Variants in ADAMTS2 observed in about 807,000 individuals in gnomAD.
The protein encoded by ADAMTS2 is ADAM metallopeptidase with thrombospondin type 1 motif 2.
Under a neutral mutation model 123.0 loss-of-function variants are expected in ADAMTS2, and 50 were observed. The ratio of observed to expected loss-of-function variants is 0.41; its 90% CI spans 0.32 to 0.51. The LOEUF (loss-of-function observed/expected upper bound fraction) is 0.51. Among genes scored for constraint, ADAMTS2 ranks in the 20% least tolerant of loss-of-function variants. ADAMTS2 has a pLI of 0.35. For synonymous variants in ADAMTS2, 678 were observed against 695.4 expected (o/e 0.98, Z 0.39); for missense variants, 1,494 against 1,705.2 (o/e 0.88, Z 2.18).
At chr5:179,295,346 C>T (rs1398134536) in intron 2 of ADAMTS2, among the ~76,000 whole-genome samples, 1 of 152,154 alleles carries the variant, frequency 6.6e-6, no homozygotes, top group East Asian at 1.9e-4. Flanking sequence ...AGGGGGGCAC[C>T]GACAGGAAAC....
rs1053018230 is a variant in ADAMTS2 at position 179,128,226 on chromosome 5, A to G, written c.2458-108T>C. Reference sequence around the variant, plus strand: ...CGACTCCAGAGGAGTCTCATCATTCATGGCAGTTACATTCCATGAAGTCGC... The same window carrying G: ...CGACTCCAGAGGAGTCTCATCATTCGTGGCAGTTACATTCCATGAAGTCGC... On this transcript the variant is annotated intron_variant, in intron 16 of 21. Transcript: ENST00000251582. The surrounding 1 kb of genome is among the most constrained non-coding windows in gnomAD (Gnocchi z 4.9). 1.5e-5 allele frequency: 21 copies of G among 1,386,522 alleles called. No individual in the cohort carries two copies. The highest frequency in any genetic ancestry group is 3.7e-4 in the Middle Eastern group (2 of 5,460). The allele number at this position is 1,386,522 out of a possible 1,614,324, so 85.9% of individuals were successfully genotyped here. A position where few individuals can be genotyped will look rare whatever the true frequency, so the allele number is the denominator to read the frequency against.
At chr5:179,252,097 T>C (rs563168318) in intron 3 of ADAMTS2, among the ~76,000 whole-genome samples, 1 of 149,238 alleles carries the variant, frequency 6.7e-6, no homozygotes, top group Admixed American at 6.7e-5. Flanking sequence ...AACCTCTACC[T>C]CCCAGGCTCA....
At chr5:179,122,157 G>A (rs1020794990) in intron 20 of ADAMTS2, among the ~76,000 whole-genome samples, 2 of 152,156 alleles carry the variant, frequency 1.3e-5, no homozygotes, top group African/African-American at 4.8e-5. Flanking sequence ...CAGGTGCCTA[G>A]ACCCCCCAGA....
intron 10 of ADAMTS2, 144 bp downstream of exon 10, chr5:179,151,998 A>T: frequency 1.4e-6 from 1 of 697,750 alleles, no homozygotes; most frequent in Non-Finnish European, 2.5e-6. Context: ...GTGAGGGGTA[A>T]TTAGAAGGGG....
In ADAMTS2 at chr5:179,312,015, G is replaced by A. The variant is rs878933; in HGVS notation, c.534+31752C>T. Among the ~76,000 whole-genome samples, 24,274 of 152,208 alleles carry A rather than the reference G, an allele frequency of 0.16. 2,385 individuals carry two copies. The highest frequency in any genetic ancestry group is 0.28 in the Admixed American group (4,306 of 15,292). The stretch of plus-strand genomic sequence containing the variant: ...AGAAGGGGCATGGGAACCCTGTGCC[G>A]CTAAGGGCATACTCTAGACCCTCTG... On this transcript the variant is annotated intron_variant, in intron 2 of 21. Coordinates refer to ENST00000251582, the MANE Select transcript of ADAMTS2 (RefSeq NM_014244.5). This position sits in a 1 kb window ranked among gnomAD's most constrained non-coding sequence, Gnocchi z 4.2.
At chr5:179,336,611 G>A (rs1164886202) in intron 2 of ADAMTS2, among the ~76,000 whole-genome samples, 1 of 152,134 alleles carries the variant, frequency 6.6e-6, no homozygotes, top group African/African-American at 2.4e-5. Context: ...TCCCGTAACC[G>A]ATGGCACCTT....
At chr5:179,311,337 T>C (rs1756827598) in intron 2 of ADAMTS2, among the ~76,000 whole-genome samples, 1 of 152,112 alleles carries the variant, frequency 6.6e-6, no homozygotes, top group Non-Finnish European at 1.5e-5. Context: ...CTCTAGCCCA[T>C]GGGCAGGCGC....
chr5:179,153,451 C>CA, intron 9 of ADAMTS2, 40 bp downstream of exon 9: 1 of 1,602,104 alleles, frequency 6.2e-7, no homozygotes, highest in Non-Finnish European at 8.5e-7. Flanking sequence ...CGCCTCCCCC[C>CA]AGACCTGGGA....
intron 2 of ADAMTS2, among the ~76,000 whole-genome samples, chr5:179,325,896 A>G (rs1418488225): frequency 6.6e-6 from 1 of 152,196 alleles, no homozygotes; most frequent in Admixed American, 6.5e-5. Context: ...ACAGGTGTGG[A>G]TGGGAGGACA....
At chr5:179,319,883 C>G (rs1157993464) in intron 2 of ADAMTS2, among the ~76,000 whole-genome samples, 1 of 152,206 alleles carries the variant, frequency 6.6e-6, no homozygotes, top group African/African-American at 2.4e-5. Context: ...TCACACCCAG[C>G]CTGCCACATC....
At chr5:179,173,570 G>A (rs1436511448) in intron 5 of ADAMTS2, among the ~76,000 whole-genome samples, 1 of 152,180 alleles carries the variant, frequency 6.6e-6, no homozygotes, top group Non-Finnish European at 1.5e-5. Context: ...GGACAATATA[G>A]GTTGTTTGCT....
At chr5:179,173,162 T>A (rs973348836) in intron 5 of ADAMTS2, among the ~76,000 whole-genome samples, 18 of 151,680 alleles carry the variant, frequency 1.2e-4, no homozygotes, top group Admixed American at 5.9e-4. Context: ...CAGTGAGTTA[T>A]GATCACACCA....
chr5:179,230,544 A>G (rs1357020266), intron 3 of ADAMTS2, among the ~76,000 whole-genome samples: 1 of 152,162 alleles, frequency 6.6e-6, no homozygotes, highest in Non-Finnish European at 1.5e-5. Flanking sequence ...AGACTTGGGG[A>G]TACTTGGGTC....
rs956974459 is a variant in ADAMTS2, at chr5:179,329,141, C to T, written c.534+14626G>A. ...AGGAGATGGAGACCATCCTGGCTAA[C>T]ACGGTGAAACCCCGTCTCTACTAAA... On this transcript the variant is annotated intron_variant, in intron 2 of 21. Coordinates refer to ENST00000251582, the MANE Select transcript of ADAMTS2 (RefSeq NM_014244.5). 4.0e-5 allele frequency among the ~76,000 whole-genome samples: 6 copies of T among 151,834 alleles called. No individual in the cohort carries two copies. In the East Asian group the frequency reaches 5.8e-4, roughly 15 times the overall value.
chr5:179,229,182 G>A (rs937972502), intron 3 of ADAMTS2, among the ~76,000 whole-genome samples: 7 of 151,708 alleles, frequency 4.6e-5, no homozygotes, highest in African/African-American at 1.7e-4. Flanking sequence ...TCAGAGAATC[G>A]GAGGAAAGGA....
At chr5:179,159,325 T>G (rs1220143956) in intron 5 of ADAMTS2, among the ~76,000 whole-genome samples, 1 of 152,086 alleles carries the variant, frequency 6.6e-6, no homozygotes, top group Non-Finnish European at 1.5e-5. Context: ...GAAATTCCAG[T>G]GTGGTGTGCA....
intron 2 of ADAMTS2, among the ~76,000 whole-genome samples, chr5:179,310,539 C>T (rs1280081165): frequency 6.6e-6 from 1 of 152,088 alleles, no homozygotes; most frequent in African/African-American, 2.4e-5. Flanking sequence ...CTCTGGGCCA[C>T]CCACCGGTGC....
intron 21 of ADAMTS2, 54 bp from the exon 22 acceptor site, chr5:179,114,378 T>A: frequency 1.3e-6 from 2 of 1,541,802 alleles, no homozygotes; most frequent in Non-Finnish European, 1.8e-6. Flanking sequence ...GGGGACTTTG[T>A]TCCCCCACAG....
intron 10 of ADAMTS2, among the ~76,000 whole-genome samples, chr5:179,145,761 G>C (rs568203479): frequency 1.3e-5 from 2 of 152,346 alleles, no homozygotes; most frequent in African/African-American, 4.8e-5. Context: ...GAACTTTTCA[G>C]AGTGACAAAA....
Sources: gnomAD v4.1 joint callset for allele counts (sites outside exome capture counted in the v4.1 genomes callset) on GRCh38, gnomAD v4.1.1 for gene constraint, Gnocchi (gnomAD v3.1) non-coding constraint, MANE v1.5 for transcripts, NCBI Gene and HGNC (gene_info 2026-07-23, HGNC 2026-07-21) for gene names.